Variants in CNIH3 observed in about 807,000 individuals in gnomAD.
CNIH3 encodes protein cornichon homolog 3.
A neutral mutation model predicts 24.1 loss-of-function variants in CNIH3; 14 were observed. That is an observed-to-expected ratio of 0.58 (90% CI 0.38 to 0.91). The LOEUF is 0.91. Among genes scored for constraint, CNIH3 ranks in the 40% least tolerant of loss-of-function variants. CNIH3 has a pLI of 0.00. For synonymous variants in CNIH3, 68 were observed against 73.8 expected (o/e 0.92, Z 0.40); for missense variants, 178 against 196.8 (o/e 0.90, Z 0.57).
At chr1:224,583,912 G>A (rs576708781) in intron 5 of CNIH3, among the ~76,000 whole-genome samples, 33 of 152,324 alleles carry the variant, frequency 2.2e-4, no homozygotes, top group South Asian at 1.2e-3. Context: ...GACATGAATT[G>A]ATATTAGACC....
At chr1:224,688,530 T>C (rs1454100145) in intron 3 of CNIH3, among the ~76,000 whole-genome samples, 4 of 152,192 alleles carry the variant, frequency 2.6e-5, no homozygotes, top group African/African-American at 9.7e-5. Flanking sequence ...AGTGCCAACT[T>C]TCTGGGACTT....
At chr1:224,577,442 C>T (rs1681082485) in intron 4 of CNIH3, among the ~76,000 whole-genome samples, 1 of 151,718 alleles carries the variant, frequency 6.6e-6, no homozygotes, top group Non-Finnish European at 1.5e-5. Context: ...ATACTAATGC[C>T]CAACACGAAA....
chr1:224,647,073 A>G (rs963385517), intron 1 of CNIH3, among the ~76,000 whole-genome samples: 2 of 151,582 alleles, frequency 1.3e-5, no homozygotes, highest in African/African-American at 4.9e-5. Flanking sequence ...TGCAACCTCC[A>G]CCTCCTGGGT....
At chr1:224,568,091 A>T (rs1680656765) in intron 4 of CNIH3, among the ~76,000 whole-genome samples, 1 of 152,172 alleles carries the variant, frequency 6.6e-6, no homozygotes, top group Non-Finnish European at 1.5e-5. Flanking sequence ...GGAGATCAAG[A>T]CCATCCTGGC....
chr1:224,584,300 C>T (rs1400299151), intron 5 of CNIH3, among the ~76,000 whole-genome samples: 2 of 152,186 alleles, frequency 1.3e-5, no homozygotes, highest in African/African-American at 2.4e-5. Flanking sequence ...TCCCCATAAA[C>T]ATTCCAGGTC....
Position 224,500,750 on chromosome 1 carries a change from C to T in CNIH3, n.204-14991C>T, listed in dbSNP as rs529087788. Among the ~76,000 whole-genome samples the T allele has an allele frequency of 3.9e-5, 6 of 152,266 alleles. No homozygotes were observed. In the East Asian group the frequency reaches 7.7e-4, roughly 20 times the overall value. On this transcript the variant is annotated intron_variant and non_coding_transcript_variant, in intron 1 of 5. Coordinates refer to the CNIH3 transcript ENST00000471578. ...TTAATCTGAGTAGACTTGTTTCTGA[C>T]GTACATCTGCCCCTGCACCAACCCC...
chr1:224,705,982 C>T (rs1466944508), intron 3 of CNIH3, among the ~76,000 whole-genome samples: 1 of 151,658 alleles, frequency 6.6e-6, no homozygotes, highest in African/African-American at 2.4e-5. Context: ...GCTCCCCTAG[C>T]ACCCCAGGCT....
chr1:224,592,518 G>C (rs1255058384), downstream of CNIH3, among the ~76,000 whole-genome samples: 3 of 152,194 alleles, frequency 2.0e-5, no homozygotes, highest in Non-Finnish European at 1.5e-5. Flanking sequence ...GCCTGAAACA[G>C]TAATGAAAAA....
At chr1:224,532,226 G>A (rs772647884) in intron 2 of CNIH3, among the ~76,000 whole-genome samples, 24 of 152,136 alleles carry the variant, frequency 1.6e-4, no homozygotes, top group Admixed American at 9.2e-4. Flanking sequence ...ACCATTTCCC[G>A]TGCAAAGGCT....
chr1:224,677,150 A>C (rs779878979), intron 1 of CNIH3, among the ~76,000 whole-genome samples: 1 of 152,170 alleles, frequency 6.6e-6, no homozygotes, highest in Non-Finnish European at 1.5e-5. Context: ...GGTAGGTACT[A>C]TTATTGGTTC....
intron 3 of CNIH3, among the ~76,000 whole-genome samples, chr1:224,603,080 G>A (rs935997712): frequency 1.2e-4 from 18 of 152,218 alleles, no homozygotes; most frequent in Non-Finnish European, 2.9e-5. Context: ...GCAGGCTGGA[G>A]GGGAAAGAGG....
At position 224,684,089 on chromosome 1, in the gene CNIH3, G is replaced by C. The variant is rs1558290203; in HGVS notation, c.151-707G>C. Among the ~76,000 whole-genome samples the C allele has an allele frequency of 6.6e-6, 1 of 152,226 alleles. No individual in the cohort carries two copies. Among genetic ancestry groups the C allele is most frequent in the Non-Finnish European group, 1.5e-5 (1 of 68,038 alleles). On this transcript the variant is annotated intron_variant, in intron 2 of 5. Coordinates refer to ENST00000272133, the MANE Select transcript of CNIH3 (RefSeq NM_152495.2). The surrounding 1 kb of genome is among the most constrained non-coding windows in gnomAD (Gnocchi z 4.2). ...TGAAGCACCGGGAGATGCCACAGCT[G>C]TGTTCAGTGTGGCTTTGGAAATCGT...
At chr1:224,688,071 T>G (rs556030501) in intron 3 of CNIH3, among the ~76,000 whole-genome samples, 10 of 152,318 alleles carry the variant, frequency 6.6e-5, no homozygotes, top group Non-Finnish European at 2.9e-5. Context: ...CTGTAGATGT[T>G]AGGACCTTGT....
upstream of CNIH3, among the ~76,000 whole-genome samples, chr1:224,612,855 C>T (rs1327953855): frequency 1.3e-5 from 2 of 152,110 alleles, no homozygotes; most frequent in East Asian, 1.9e-4. This position sits in a 1 kb window ranked among gnomAD's most constrained non-coding sequence, Gnocchi z 4.7. Flanking sequence ...AAATTTTATA[C>T]AGTACAATTA....
At chr1:224,485,742 T>C (rs1677003305) in intron 1 of CNIH3, among the ~76,000 whole-genome samples, 1 of 152,200 alleles carries the variant, frequency 6.6e-6, no homozygotes, top group South Asian at 2.1e-4. Flanking sequence ...CTAGGATTAC[T>C]AGCATGAGCC....
At chr1:224,441,065 C>A (rs866518655) in intron 1 of CNIH3, among the ~76,000 whole-genome samples, 1 of 152,184 alleles carries the variant, frequency 6.6e-6, no homozygotes, top group Non-Finnish European at 1.5e-5. Context: ...ATCCGCCCCC[C>A]TCGGCCTCCC....
chr1:224,739,654 TGA>T lies in CNIH3; in HGVS notation c.*305_*306del. 1 of 484,758 alleles carries T rather than the reference TGA, an allele frequency of 2.1e-6. No individual in the cohort carries two copies. The highest frequency in any genetic ancestry group is 3.6e-6 in the Non-Finnish European group (1 of 280,060). 30.0% of individuals were successfully genotyped at this position (484,758 alleles called of 1,614,324 possible). A position where few individuals can be genotyped will look rare whatever the true frequency, so the allele number is the denominator to read the frequency against. On this transcript the variant is annotated 3_prime_UTR_variant, in exon 6 of 6. Coordinates refer to ENST00000272133, the MANE Select transcript of CNIH3 (RefSeq NM_152495.2). ...AGGTGACGAAACACTAGACCTCTCC[TGA>T]GAGAGAATTGCTGCTTCCTGAATCC...
intron 1 of CNIH3, among the ~76,000 whole-genome samples, chr1:224,484,875 G>A (rs1238174410): frequency 2.6e-5 from 4 of 152,054 alleles, no homozygotes; most frequent in African/African-American, 7.2e-5. Flanking sequence ...CTTAACTTTT[G>A]AACATATATA....
intron 3 of CNIH3, among the ~76,000 whole-genome samples, chr1:224,728,645 C>G (rs1013927705): frequency 1.2e-4 from 18 of 152,182 alleles, no homozygotes; most frequent in Admixed American, 5.9e-4. Flanking sequence ...GTGTTTCTCC[C>G]TCTGTGTCTG....
Sources: allele counts gnomAD v4.1 joint callset (sites outside exome capture counted in the v4.1 genomes callset), GRCh38; gene constraint gnomAD v4.1.1; non-coding constraint Gnocchi (gnomAD v3.1); transcripts MANE v1.5; gene names NCBI Gene and HGNC (gene_info 2026-07-23, HGNC 2026-07-21).